TGFBRAP1: variants seen among roughly 807,000 people sequenced by gnomAD.
TGFBRAP1 encodes transforming growth factor-beta receptor-associated protein 1.
In TGFBRAP1, 20 loss-of-function variants were observed where a neutral mutation model predicts 83.2. That is an observed-to-expected ratio of 0.24 (90% CI 0.17 to 0.35). The LOEUF (loss-of-function observed/expected upper bound fraction) is 0.35. Among genes scored for constraint, TGFBRAP1 ranks in the 10% least tolerant of loss-of-function variants. The probability of loss-of-function intolerance (pLI) is 1.00; values close to 1 mark genes in which losing one functional copy is unlikely to be tolerated. For synonymous variants in TGFBRAP1, 415 were observed against 459.8 expected, an observed-to-expected ratio of 0.90 and a Z score of 1.25; for missense variants, 950 against 1,099.4, an observed-to-expected ratio of 0.86 and a Z score of 1.92.
intron 5 of TGFBRAP1, among the ~76,000 whole-genome samples, chr2:105,283,548 A>G (rs1238761461): frequency 6.6e-6 from 1 of 152,224 alleles, no homozygotes; most frequent in African/African-American, 2.4e-5. Context: ...CTTACTCTAA[A>G]GGCAGTGCCT....
At chr2:105,322,912 C>G (rs2679875) in intron 1 of TGFBRAP1, among the ~76,000 whole-genome samples, 83,588 of 151,974 alleles carry the variant, frequency 0.55, 23,735 homozygotes, top group East Asian at 0.73. Flanking sequence ...GCCTTTGAGA[C>G]GGATGGGGGG....
chr2:105,294,494 T>G (rs1206154989), intron 4 of TGFBRAP1, among the ~76,000 whole-genome samples: 1 of 152,112 alleles, frequency 6.6e-6, no homozygotes, highest in Non-Finnish European at 1.5e-5. Context: ...GATGATGGAC[T>G]GCAATCACAC....
chr2:105,271,694 C>T (rs931565008), intron 10 of TGFBRAP1, among the ~76,000 whole-genome samples: 3 of 152,160 alleles, frequency 2.0e-5, no homozygotes, highest in Non-Finnish European at 2.9e-5. Flanking sequence ...GCAGCCTCAG[C>T]GTTTCAACCT....
At chr2:105,314,282 G>A (rs185188494) in intron 1 of TGFBRAP1, among the ~76,000 whole-genome samples, 5,078 of 129,198 alleles carry the variant, frequency 0.039, 168 homozygotes, top group East Asian at 0.15. Context: ...AGACAGTCTC[G>A]CTCTGTCGCC....
rs780980850 is a variant in TGFBRAP1, at chr2:105,275,682, C to T, written c.1543G>A (p.Gly515Ser). 1 of 1,609,558 alleles carries T rather than the reference C, an allele frequency of 6.2e-7. No individual in the cohort carries two copies. Among genetic ancestry groups the T allele is most frequent in the Non-Finnish European group, 8.5e-7 (1 of 1,178,722 alleles). Residue 515 changes from glycine (G) to serine (S), a missense_variant, in exon 8 of 12, where the codon GGC (glycine) becomes AGC (serine). Coordinates refer to ENST00000393359, the MANE Select transcript of TGFBRAP1 (RefSeq NM_004257.6). ...GAGCGTGTGGAGTCCTGGACATCGC[C>T]ATTCACAATGTTCACCCACAACTGG... ...AVQLWVNIVN[G>S]DVQDSTRSDL...
downstream of TGFBRAP1, among the ~76,000 whole-genome samples, chr2:105,260,816 A>C (rs2104289299): frequency 6.6e-6 from 1 of 152,386 alleles, no homozygotes; most frequent in Admixed American, 6.5e-5. Flanking sequence ...ACATACATGC[A>C]AAATGCACTT....
chr2:105,320,340 TA>T lies in TGFBRAP1; in HGVS notation c.-18+9284del, dbSNP rs1437414072. 2.0e-5 allele frequency among the ~76,000 whole-genome samples: 3 copies of T among 152,236 alleles called. No homozygotes were observed. In the East Asian group the frequency reaches 5.8e-4, roughly 29 times the overall value. Reference sequence around the variant, plus strand: ...AAAAATTAATTCTGTATCTGCATTTTAAAAAGGACACACTACCTCAAGTAAG... The same window carrying T: ...AAAAATTAATTCTGTATCTGCATTTTAAAAGGACACACTACCTCAAGTAAG... On this transcript the variant is annotated intron_variant, in intron 1 of 11. Coordinates refer to ENST00000393359, the MANE Select transcript of TGFBRAP1 (RefSeq NM_004257.6).
the TGFBRAP1 span, among the ~76,000 whole-genome samples, chr2:105,255,964 C>T: frequency 1.3e-5 from 2 of 152,172 alleles, no homozygotes; most frequent in Non-Finnish European, 2.9e-5. Context: ...GTGGTAACAA[C>T]CAACCTGTTC....
chr2:105,276,183 T>C (rs1312332276), intron 7 of TGFBRAP1, among the ~76,000 whole-genome samples: 1 of 152,338 alleles, frequency 6.6e-6, no homozygotes, highest in East Asian at 1.9e-4. Context: ...GCTTCAGTGA[T>C]TCTGTCCCCT....
At chr2:105,287,303 A>T (rs1677752422) in intron 4 of TGFBRAP1, among the ~76,000 whole-genome samples, 1 of 152,146 alleles carries the variant, frequency 6.6e-6, no homozygotes, top group Non-Finnish European at 1.5e-5. Context: ...CAGCATGGTG[A>T]ATACACTCAA....
downstream of TGFBRAP1, among the ~76,000 whole-genome samples, chr2:105,262,117 A>G (rs1676802666): frequency 1.3e-5 from 2 of 152,056 alleles, no homozygotes; most frequent in Non-Finnish European, 2.9e-5. Flanking sequence ...TTAACACGAG[A>G]AGGGAACTCA....
intron 2 of TGFBRAP1, among the ~76,000 whole-genome samples, chr2:105,304,875 G>A (rs78533907): frequency 6.6e-6 from 1 of 152,114 alleles, no homozygotes; most frequent in Non-Finnish European, 1.5e-5. Flanking sequence ...TCACACTCTG[G>A]AAAAGAAAGA....
At chr2:105,310,585 G>A (rs1678657957) in intron 1 of TGFBRAP1, among the ~76,000 whole-genome samples, 1 of 151,948 alleles carries the variant, frequency 6.6e-6, no homozygotes, top group Non-Finnish European at 1.5e-5. Context: ...TCTACCTCGG[G>A]GCTGTGGGAA....
At chr2:105,255,699 C>G in the TGFBRAP1 span, among the ~76,000 whole-genome samples, 1 of 152,114 alleles carries the variant, frequency 6.6e-6, no homozygotes, top group Non-Finnish European at 1.5e-5. Flanking sequence ...CCCATGGGGT[C>G]GCCATCCACC....
At position 105,269,040 on chromosome 2, in the gene TGFBRAP1, T is replaced by C. The variant is rs968299732; in HGVS notation, c.2406+232A>G. 8.5e-5 allele frequency among the ~76,000 whole-genome samples: 13 copies of C among 152,298 alleles called. No homozygotes were observed. In the East Asian group the frequency reaches 2.5e-3, roughly 29 times the overall value. ...CTCTCCTCCCTACAGACTCTCTTAA[T>C]CACCAGCGTCCAAAAGGGGAGAAAA... On this transcript the variant is annotated intron_variant, in intron 11 of 11. Transcript: ENST00000393359. This position sits in a 1 kb window ranked among gnomAD's most constrained non-coding sequence, Gnocchi z 4.1.
At chr2:105,262,348 G>A (rs1358345952), downstream of TGFBRAP1, among the ~76,000 whole-genome samples, 4 of 152,078 alleles carry the variant, frequency 2.6e-5, no homozygotes, top group African/African-American at 9.7e-5. Context: ...CTGTTTAAAG[G>A]AGTCTGGCAC....
At chr2:105,302,538 T>TA (rs11302160) in intron 2 of TGFBRAP1, among the ~76,000 whole-genome samples, 5 of 149,812 alleles carry the variant, frequency 3.3e-5, no homozygotes, top group East Asian at 2.0e-4. Flanking sequence ...GTATATTAAG[T>TA]AAAAAAAAAA....
chr2:105,261,896 A>G (rs1229848669), downstream of TGFBRAP1, among the ~76,000 whole-genome samples: 3 of 152,174 alleles, frequency 2.0e-5, no homozygotes, highest in East Asian at 1.9e-4. Context: ...AGTGGGCTAG[A>G]GTCACTTTCC....
At chr2:105,283,390 G>A (rs1677607578) in intron 5 of TGFBRAP1, among the ~76,000 whole-genome samples, 1 of 152,212 alleles carries the variant, frequency 6.6e-6, no homozygotes, top group African/African-American at 2.4e-5. Context: ...GGCTGGTCAT[G>A]GGCAGACCTC....
Sources: allele counts gnomAD v4.1 joint callset (sites outside exome capture counted in the v4.1 genomes callset), GRCh38; gene constraint gnomAD v4.1.1; non-coding constraint Gnocchi (gnomAD v3.1); transcripts MANE v1.5; gene names NCBI Gene and HGNC (gene_info 2026-07-23, HGNC 2026-07-21).